Variants in CUX1 observed in about 807,000 individuals in gnomAD.
The protein encoded by CUX1 is cut like homeobox 1, also known as protein CASP.
In CUX1, 31 loss-of-function variants were observed where a neutral mutation model predicts 158.8. The observed-to-expected ratio is 0.20, with a 90% CI of 0.15 to 0.26. The LOEUF is 0.26. Ranked by LOEUF, CUX1 falls within the 10% of genes least tolerant of loss-of-function variation. The pLI is 1.00. For synonymous variants in CUX1, 879 were observed against 862.1 expected (o/e 1.02, Z -0.34); for missense variants, 1,589 against 2,014.6 (o/e 0.79, Z 4.04).
chr7:102,250,059 A>G lies in CUX1; in HGVS notation c.*1017A>G, dbSNP rs1443346124. The G allele has an allele frequency of 2.0e-6, 2 of 979,452 alleles. No individual in the cohort carries two copies. Among genetic ancestry groups the G allele is most frequent in the Non-Finnish European group, 2.4e-6 (2 of 826,194 alleles). The allele number at this position is 979,452 out of a possible 1,614,324, so 60.7% of individuals were successfully genotyped here. A position where few individuals can be genotyped will look rare whatever the true frequency, so the allele number is the denominator to read the frequency against. On this transcript the variant is annotated 3_prime_UTR_variant, in exon 24 of 24. Coordinates refer to ENST00000292535, the MANE Select transcript of CUX1 (RefSeq NM_181552.4). ...AAATCAGGACAAAAAAAAGAAAAAA[A>G]AAGAAAAAAAAAAAAGAAAAGATCC...
intron 3 of CUX1, among the ~76,000 whole-genome samples, chr7:102,064,757 G>A (rs554151566): frequency 2.6e-5 from 4 of 152,270 alleles, no homozygotes; most frequent in East Asian, 1.9e-4. Context: ...TCAGTGACTC[G>A]TCCAGGCCCT....
chr7:101,840,054 G>A (rs1455182887), intron 1 of CUX1, among the ~76,000 whole-genome samples: 2 of 152,146 alleles, frequency 1.3e-5, no homozygotes, highest in Non-Finnish European at 2.9e-5. Flanking sequence ...AAGCCACCAC[G>A]CTGGCCGTTA....
chr7:102,166,158 C>T lies in CUX1; in HGVS notation c.724-4288C>T, dbSNP rs555016275. Among the ~76,000 whole-genome samples the T allele has an allele frequency of 2.5e-3, 388 of 152,312 alleles. 2 individuals are homozygous for T. Among genetic ancestry groups the T allele is most frequent in the African/African-American group, 9.0e-3 (373 of 41,566 alleles). ...GATGGGCATCGGCTTGTGTGAGCCC[C>T]GTGGCCACCAGTCCCCTTGCCGGGT... is the stretch of plus-strand genomic sequence containing the variant. On this transcript the variant is annotated intron_variant, in intron 9 of 23. Transcript: ENST00000292535.
intron 2 of CUX1, among the ~76,000 whole-genome samples, chr7:101,988,725 G>A: frequency 6.6e-6 from 1 of 152,166 alleles, no homozygotes; most frequent in East Asian, 1.9e-4. Flanking sequence ...CAGGGGCTGG[G>A]CGCGGTGGTT....
At chr7:102,133,872 G>A (rs1373486778) in intron 8 of CUX1, among the ~76,000 whole-genome samples, 3 of 152,186 alleles carry the variant, frequency 2.0e-5, no homozygotes, top group Non-Finnish European at 4.4e-5. Context: ...TGCAGACTGT[G>A]ACCTCGTTGC....
At chr7:102,159,868 T>C (rs1413240858) in intron 9 of CUX1, among the ~76,000 whole-genome samples, 1 of 150,838 alleles carries the variant, frequency 6.6e-6, no homozygotes, top group Non-Finnish European at 1.5e-5. Context: ...CAAAATAAAA[T>C]TTAAAAATAA....
chr7:102,063,010 C>T (rs1006288605), intron 3 of CUX1, among the ~76,000 whole-genome samples: 2 of 152,090 alleles, frequency 1.3e-5, no homozygotes, highest in African/African-American at 4.8e-5. Flanking sequence ...GAAGCTGATA[C>T]AGAAGAATCT....
At chr7:102,206,029 T>C (rs1325311187) in intron 20 of CUX1, among the ~76,000 whole-genome samples, 1 of 152,170 alleles carries the variant, frequency 6.6e-6, no homozygotes, top group Non-Finnish European at 1.5e-5. Flanking sequence ...CCATATCCCA[T>C]TGATTCATTG....
chr7:102,058,471 CAG>C (rs1317396243), intron 3 of CUX1, among the ~76,000 whole-genome samples: 1 of 151,280 alleles, frequency 6.6e-6, no homozygotes, highest in African/African-American at 2.4e-5. Context: ...TTAGTAGAGA[CAG>C]GGTTTCACGA....
chr7:102,012,544 A>G (rs193047257), intron 2 of CUX1, among the ~76,000 whole-genome samples: 24 of 152,236 alleles, frequency 1.6e-4, no homozygotes, highest in African/African-American at 5.5e-4. Context: ...ATGGGGGAAT[A>G]TGATAATGAA....
intron 2 of CUX1, among the ~76,000 whole-genome samples, chr7:102,003,606 T>C (rs1308203635): frequency 6.6e-6 from 1 of 152,186 alleles, no homozygotes; most frequent in African/African-American, 2.4e-5. Flanking sequence ...GCCTGGGCTC[T>C]GGTGCAGCCC....
At chr7:102,172,157 C>T (rs1791796912) in intron 10 of CUX1, among the ~76,000 whole-genome samples, 1 of 152,172 alleles carries the variant, frequency 6.6e-6, no homozygotes, top group Non-Finnish European at 1.5e-5. Context: ...GTGATCTCAG[C>T]TCACTGCAAC....
At chr7:102,038,169 C>T (rs1026437725) in intron 3 of CUX1, among the ~76,000 whole-genome samples, 2 of 152,072 alleles carry the variant, frequency 1.3e-5, no homozygotes, top group African/African-American at 2.4e-5. Context: ...TGGAAACTTG[C>T]CATAATAAAG....
At position 102,189,804 on chromosome 7, in the gene CUX1, T is replaced by C; in HGVS notation, c.1018-9T>C. On this transcript the variant is annotated splice_polypyrimidine_tract_variant and intron_variant, in intron 11 of 23. Coordinates refer to ENST00000292535, the MANE Select transcript of CUX1 (RefSeq NM_181552.4). ...CATGGCCACTGATCAAATTCTTCTC[T>C]GTTTTCAGCAACTGGAAGAAAAACT... 1.2e-6 allele frequency: 2 copies of C among 1,614,220 alleles called. No homozygotes were observed. The highest frequency in any genetic ancestry group is 2.2e-5 in the East Asian group (1 of 44,886).
At chr7:102,071,089 G>A (rs905874936) in intron 4 of CUX1, among the ~76,000 whole-genome samples, 1 of 152,098 alleles carries the variant, frequency 6.6e-6, no homozygotes, top group African/African-American at 2.4e-5. Context: ...CCAAGTGGCT[G>A]GGAGGTACGT....
Position 102,253,061 on chromosome 7 carries a change from C to T in CUX1, c.*4019C>T, listed in dbSNP as rs962244376. ...GCAAAAGATACCAGTCGACAGCCTC[C>T]CTGGGGTAGATCCCTTGTACCTCCA... On this transcript the variant is annotated 3_prime_UTR_variant, in exon 24 of 24. Coordinates refer to ENST00000292535, the MANE Select transcript of CUX1 (RefSeq NM_181552.4). 5.1e-6 allele frequency: 5 copies of T among 985,418 alleles called. No homozygotes were observed. Among genetic ancestry groups the T allele is most frequent in the Non-Finnish European group, 6.0e-6 (5 of 829,930 alleles). 61.0% of individuals were successfully genotyped at this position (985,418 alleles called of 1,614,324 possible). A position where few individuals can be genotyped will look rare whatever the true frequency, so the allele number is the denominator to read the frequency against.
chr7:102,073,167 T>G (rs1196943327), intron 4 of CUX1, among the ~76,000 whole-genome samples: 2 of 69,688 alleles, frequency 2.9e-5, no homozygotes, highest in Non-Finnish European at 5.5e-5. Flanking sequence ...TTTTCTTTCT[T>G]TTTTTTTTTT....
At chr7:101,939,603 G>A (rs1197312077) in intron 2 of CUX1, among the ~76,000 whole-genome samples, 5 of 151,886 alleles carry the variant, frequency 3.3e-5, no homozygotes, top group African/African-American at 4.8e-5. Context: ...AGGCTGAGGC[G>A]GGTGGATCGC....
At chr7:101,998,663 C>T (rs1331644343) in intron 2 of CUX1, among the ~76,000 whole-genome samples, 4 of 152,240 alleles carry the variant, frequency 2.6e-5, no homozygotes, top group African/African-American at 9.6e-5. Flanking sequence ...TGAAGGTGGA[C>T]CCATCACTGG....
Sources: allele counts gnomAD v4.1 joint callset (sites outside exome capture counted in the v4.1 genomes callset), GRCh38; gene constraint gnomAD v4.1.1; transcripts MANE v1.5; gene names NCBI Gene and HGNC (gene_info 2026-07-23, HGNC 2026-07-21).